The following XPNPEP1 variants were observed in gnomAD, a reference collection of about 807,000 sequenced individuals.
XPNPEP1 encodes the protein xaa-Pro aminopeptidase 1.
In XPNPEP1, 39 loss-of-function variants were observed where a neutral mutation model predicts 92.4. The observed-to-expected ratio is 0.42, with a 90% CI of 0.33 to 0.55. The LOEUF is 0.55. Among genes scored for constraint, XPNPEP1 ranks in the 20% least tolerant of loss-of-function variants. The probability of loss-of-function intolerance (pLI) is 0.08; values close to 1 mark genes in which losing one functional copy is unlikely to be tolerated. For missense variants in XPNPEP1, 654 were observed against 856.1 expected, an observed-to-expected ratio of 0.76 and a Z score of 2.95; for synonymous variants, 307 against 299.4, an observed-to-expected ratio of 1.03 and a Z score of -0.26.
At chr10:109,891,894 T>G in intron 4 of XPNPEP1, 68 bp from the exon 5 acceptor site, 7 of 1,519,418 alleles carry the variant, frequency 4.6e-6, no homozygotes, top group Non-Finnish European at 6.3e-6. Context: ...CTGCACAAAA[T>G]GACAGTAGAC....
At chr10:109,908,354 C>G (rs1244168542) in intron 2 of XPNPEP1, among the ~76,000 whole-genome samples, 1 of 152,166 alleles carries the variant, frequency 6.6e-6, no homozygotes, top group Non-Finnish European at 1.5e-5. Context: ...CCTTTAATTC[C>G]AGCACTTTGG....
chr10:109,877,488 T>A, intron 14 of XPNPEP1: 1 of 291,556 alleles, frequency 3.4e-6, no homozygotes, highest in Non-Finnish European at 6.4e-6. Context: ...AACTTAGTCA[T>A]CAAGATGCAA....
At chr10:109,900,680 G>A (rs1181693692) in intron 3 of XPNPEP1, among the ~76,000 whole-genome samples, 1 of 152,072 alleles carries the variant, frequency 6.6e-6, no homozygotes, top group African/African-American at 2.4e-5. Flanking sequence ...GATCCTGCAA[G>A]GCCTAACAGG....
At chr10:109,909,630 T>A (rs1444101468) in intron 2 of XPNPEP1, among the ~76,000 whole-genome samples, 1 of 152,174 alleles carries the variant, frequency 6.6e-6, no homozygotes, top group Non-Finnish European at 1.5e-5. Context: ...CTGATAAACA[T>A]CATAGCTGTA....
intron 5 of XPNPEP1, among the ~76,000 whole-genome samples, chr10:109,890,606 G>A (rs1848653969): frequency 1.3e-5 from 2 of 151,060 alleles, no homozygotes; most frequent in South Asian, 4.2e-4. Flanking sequence ...GAGAGAGAGA[G>A]AGAGAGAGAG....
chr10:109,914,258 T>C (rs903315372), intron 2 of XPNPEP1, among the ~76,000 whole-genome samples: 1 of 152,190 alleles, frequency 6.6e-6, no homozygotes, highest in African/African-American at 2.4e-5. Flanking sequence ...CCAAAAAGAC[T>C]TTCCTAAATG....
chr10:109,919,251 C>T (rs1224297607), intron 1 of XPNPEP1, among the ~76,000 whole-genome samples: 2 of 152,138 alleles, frequency 1.3e-5, no homozygotes, highest in Admixed American at 6.6e-5. Context: ...AGTCTAGTAT[C>T]CAGAATATAT....
intron 7 of XPNPEP1, 127 bp downstream of exon 7, chr10:109,887,922 C>T (rs1485296483): frequency 7.5e-6 from 10 of 1,339,530 alleles, no homozygotes; most frequent in African/African-American, 3.0e-5. Context: ...CCCACTGGGG[C>T]AGAGTAGGGC....
chr10:109,871,093 A>AT, intron 17 of XPNPEP1, 189 bp from the exon 18 acceptor site: 2 of 592,330 alleles, frequency 3.4e-6, no homozygotes, highest in South Asian at 2.8e-5. Flanking sequence ...GCTCAGTCTG[A>AT]AGCTAGGCGA....
chr10:109,873,484 G>A (rs1484991895), intron 15 of XPNPEP1, 57 bp from the exon 16 acceptor site: 1 of 1,606,878 alleles, frequency 6.2e-7, no homozygotes, highest in South Asian at 1.1e-5. Flanking sequence ...AGTCAAATAT[G>A]ACACAGGCAA....
At chr10:109,880,641 G>A (rs1490454434) in intron 11 of XPNPEP1, among the ~76,000 whole-genome samples, 1 of 152,176 alleles carries the variant, frequency 6.6e-6, no homozygotes, top group African/African-American at 2.4e-5. Flanking sequence ...ATCTCCTTTT[G>A]TATTGTGTAT....
chr10:109,906,207 C>T (rs1212544863), intron 3 of XPNPEP1, among the ~76,000 whole-genome samples: 3 of 152,194 alleles, frequency 2.0e-5, no homozygotes, highest in Non-Finnish European at 2.9e-5. Flanking sequence ...GACACAGACA[C>T]GCACACGTGC....
At chr10:109,909,132 G>A (rs534574264) in intron 2 of XPNPEP1, among the ~76,000 whole-genome samples, 9 of 152,242 alleles carry the variant, frequency 5.9e-5, no homozygotes, top group African/African-American at 2.2e-4. Flanking sequence ...TTAGCCAGGC[G>A]TGGTGGCGGG....
intron 15 of XPNPEP1, among the ~76,000 whole-genome samples, chr10:109,875,188 G>T (rs1262531941): frequency 6.6e-6 from 1 of 152,224 alleles, no homozygotes; most frequent in Non-Finnish European, 1.5e-5. Context: ...CCCTGGGGCA[G>T]CTGAGAGTAC....
intron 15 of XPNPEP1, among the ~76,000 whole-genome samples, chr10:109,875,232 G>C (rs1011490160): frequency 7.9e-5 from 12 of 152,154 alleles, no homozygotes; most frequent in African/African-American, 2.9e-4. Flanking sequence ...GGCTGGGGTG[G>C]AAAACTTTCA....
In XPNPEP1 at chr10:109,878,175, C is replaced by T. The variant is rs1589559595; in HGVS notation, c.1183-117G>A. On this transcript the variant is annotated intron_variant, in intron 12 of 20. Coordinates refer to ENST00000502935, the MANE Select transcript of XPNPEP1 (RefSeq NM_020383.4). The stretch of plus-strand genomic sequence containing the variant: ...CCTCAATTGCTTCATCCCAACTGAC[C>T]AATCTACAGGACACATCTTTAGCAA... The T allele has an allele frequency of 6.3e-6, 7 of 1,107,034 alleles. No individual in the cohort carries two copies. In the East Asian group the frequency reaches 1.7e-4, roughly 26 times the overall value. The allele number at this position is 1,107,034 out of a possible 1,614,324, so 68.6% of individuals were successfully genotyped here.
At chr10:109,880,738 A>AGAGC in intron 11 of XPNPEP1, 104 bp downstream of exon 11, 1 of 1,123,216 alleles carries the variant, frequency 8.9e-7, no homozygotes, top group Non-Finnish European at 1.3e-6. Context: ...TGAGGCTCAG[A>AGAGC]GAGATTCTAA....
intron 17 of XPNPEP1, 38 bp from the exon 18 acceptor site, chr10:109,870,942 A>C: frequency 1.3e-6 from 2 of 1,577,292 alleles, no homozygotes; most frequent in South Asian, 1.2e-5. Flanking sequence ...GTATTTGTAC[A>C]GCGCTTTAGA....
intron 18 of XPNPEP1, 42 bp from the exon 19 acceptor site, chr10:109,870,071 T>A (rs1002855005): frequency 6.2e-7 from 1 of 1,604,558 alleles, no homozygotes; most frequent in Non-Finnish European, 8.5e-7. Context: ...CAGCCCACGA[T>A]GAAGATGTCT....
Sources: gnomAD v4.1 joint callset for allele counts (sites outside exome capture counted in the v4.1 genomes callset) on GRCh38, gnomAD v4.1.1 for gene constraint, MANE v1.5 for transcripts, NCBI Gene and HGNC (gene_info 2026-07-23, HGNC 2026-07-21) for gene names.